Variants in CHD6 observed in about 807,000 individuals in gnomAD.
CHD6 encodes the protein chromodomain helicase DNA binding protein 6, also known as ATP-dependent chromatin remodeler CHD6.
Under a neutral mutation model 276.9 loss-of-function variants are expected in CHD6, and 50 were observed. The observed-to-expected ratio is 0.18, with a 90% CI of 0.14 to 0.23. CHD6 has a LOEUF of 0.23. CHD6 is among the 10% of genes least tolerant of loss of function. CHD6 has a pLI of 1.00. For synonymous variants in CHD6, 1,173 were observed against 1,229.3 expected (o/e 0.95, Z 0.96); for missense variants, 2,564 against 3,365.8 (o/e 0.76, Z 5.89).
chr20:41,510,325 T>G (rs1201867447), intron 5 of CHD6, among the ~76,000 whole-genome samples: 1 of 152,186 alleles, frequency 6.6e-6, no homozygotes, highest in Non-Finnish European at 1.5e-5. Flanking sequence ...TGGAGCTGTT[T>G]TGGTTCTGCA....
At chr20:41,420,394 G>T in intron 31 of CHD6, 114 bp downstream of exon 31, 1 of 1,146,502 alleles carries the variant, frequency 8.7e-7, no homozygotes, top group Non-Finnish European at 1.2e-6. Context: ...GTGAGGGTAG[G>T]CAGGTCTGTT....
chr20:41,493,325 T>C (rs754249063), intron 10 of CHD6, among the ~76,000 whole-genome samples: 2 of 152,072 alleles, frequency 1.3e-5, no homozygotes, highest in Non-Finnish European at 2.9e-5. Flanking sequence ...AAATGTCACA[T>C]ACATCAAAAT....
intron 2 of CHD6, among the ~76,000 whole-genome samples, chr20:41,539,878 C>T (rs538546077): frequency 6.6e-6 from 1 of 152,084 alleles, no homozygotes; most frequent in Admixed American, 6.5e-5. Context: ...CATTATTATA[C>T]GGAGGTTTAA....
chr20:41,488,305 A>G, intron 13 of CHD6, 123 bp downstream of exon 13: 1 of 971,198 alleles, frequency 1.0e-6, no homozygotes. Context: ...ATAGAGACCA[A>G]AAAAGAAAAT....
chr20:41,617,072 G>A (rs2045940372), intron 1 of CHD6, among the ~76,000 whole-genome samples: 1 of 152,076 alleles, frequency 6.6e-6, no homozygotes, highest in Non-Finnish European at 1.5e-5. Context: ...CAAATTTCAG[G>A]CAATATTTCA....
At chr20:41,530,823 C>T (rs537419110) in intron 3 of CHD6, among the ~76,000 whole-genome samples, 1 of 152,322 alleles carries the variant, frequency 6.6e-6, no homozygotes, top group African/African-American at 2.4e-5. Context: ...ATGATCACTT[C>T]TGTCAGCCTC....
At chr20:41,611,030 C>A (rs1351769876) in intron 1 of CHD6, among the ~76,000 whole-genome samples, 1 of 152,188 alleles carries the variant, frequency 6.6e-6, no homozygotes, top group Non-Finnish European at 1.5e-5. Context: ...TAAGTCCCCG[C>A]TGGAACAGCT....
intron 1 of CHD6, among the ~76,000 whole-genome samples, chr20:41,556,326 C>CTT (rs537227082): frequency 0.063 from 6,426 of 102,188 alleles, 1,235 homozygotes; most frequent in African/African-American, 0.16. Flanking sequence ...GAGAGGGCAC[C>CTT]TTTTTTTTTT....
chr20:41,579,255 G>A lies in CHD6; in HGVS notation c.-23-27895C>T, dbSNP rs1401053063. Among the ~76,000 whole-genome samples the A allele has an allele frequency of 2.0e-5, 3 of 147,862 alleles. No homozygotes were observed. The East Asian group carries it at 6.0e-4, about 30-fold the overall frequency. The stretch of plus-strand genomic sequence containing the variant: ...TTCGAGACCAGCCCGACCAACAGTG[G>A]CGGGAAACCCCATCTCTACTAAAAA... On this transcript the variant is annotated intron_variant, in intron 1 of 36. Coordinates refer to ENST00000373233, the MANE Select transcript of CHD6 (RefSeq NM_032221.5).
At chr20:41,582,658 A>G (rs2045553158) in intron 1 of CHD6, among the ~76,000 whole-genome samples, 1 of 152,250 alleles carries the variant, frequency 6.6e-6, no homozygotes, top group South Asian at 2.1e-4. Context: ...CAAGAGAGCC[A>G]AACTAAGAAA....
chr20:41,417,306 T>C lies in CHD6; in HGVS notation c.6171A>G (p.Thr2057=), dbSNP rs780753292. 7.4e-6 allele frequency: 12 copies of C among 1,614,074 alleles called. No homozygotes were observed. Among genetic ancestry groups the C allele is most frequent in the African/African-American group, 1.3e-5 (1 of 74,932 alleles). The change falls in exon 32 of 37, where the codon ACA becomes ACG. Residue 2057 remains threonine (T), a synonymous_variant. Coordinates refer to ENST00000373233, the MANE Select transcript of CHD6 (RefSeq NM_032221.5). ...KYSEEESKSS[T]SGITGDIGDE... The stretch of plus-strand genomic sequence containing the variant: ...CCCCAATGTCTCCTGTGATGCCCGA[T>C]GTTGAGCTCTTGCTCTCCTCTTCAG...
chr20:41,443,785 G>T (rs527329848), intron 25 of CHD6, among the ~76,000 whole-genome samples: 1 of 152,210 alleles, frequency 6.6e-6, no homozygotes, highest in Non-Finnish European at 1.5e-5. Context: ...ATTTCTGTGG[G>T]TATTAAAAAC....
chr20:41,570,970 C>G (rs551168259), intron 1 of CHD6, among the ~76,000 whole-genome samples: 6 of 152,204 alleles, frequency 3.9e-5, no homozygotes, highest in African/African-American at 1.4e-4. Flanking sequence ...TACTCCTGAA[C>G]AAATAACAGT....
intron 1 of CHD6, among the ~76,000 whole-genome samples, chr20:41,580,043 A>T (rs1234992790): frequency 6.6e-6 from 1 of 152,204 alleles, no homozygotes; most frequent in Admixed American, 6.5e-5. Context: ...TTAAAACATT[A>T]ACTGACTATA....
chr20:41,555,009 G>A (rs1258926068), intron 1 of CHD6, among the ~76,000 whole-genome samples: 2 of 150,510 alleles, frequency 1.3e-5, no homozygotes, highest in African/African-American at 4.9e-5. Context: ...CGGGCGGGGG[G>A]CTGACCCCCC....
At position 41,568,318 on chromosome 20, in the gene CHD6, A is replaced by G. The variant is rs994742500; in HGVS notation, c.-23-16958T>C. 2.6e-5 allele frequency among the ~76,000 whole-genome samples: 4 copies of G among 152,254 alleles called. No individual in the cohort carries two copies. In the East Asian group the frequency reaches 7.7e-4, roughly 29 times the overall value. On this transcript the variant is annotated intron_variant, in intron 1 of 36. Transcript: ENST00000373233. The stretch of plus-strand genomic sequence containing the variant: ...CCCTCCATTTGAATTCTGAATTGTT[A>G]AACAAAATTGTTTTGGATCAATTTA...
chr20:41,607,986 T>G (rs528225830), intron 1 of CHD6, among the ~76,000 whole-genome samples: 1 of 152,280 alleles, frequency 6.6e-6, no homozygotes, highest in South Asian at 2.1e-4. Context: ...CTATGTGTCC[T>G]TAAGGAAGAG....
chr20:41,426,640 T>C (rs926771990), intron 27 of CHD6, among the ~76,000 whole-genome samples: 36 of 152,312 alleles, frequency 2.4e-4, no homozygotes, highest in African/African-American at 8.2e-4. Context: ...CATAAAACAC[T>C]ACTGCTCCAG....
At chr20:41,604,954 C>G (rs1411068724) in intron 1 of CHD6, among the ~76,000 whole-genome samples, 1 of 152,100 alleles carries the variant, frequency 6.6e-6, no homozygotes, top group Admixed American at 6.6e-5. Flanking sequence ...CTACAAATAA[C>G]ATTTTCATGG....
Sources: gnomAD v4.1 joint callset for allele counts (sites outside exome capture counted in the v4.1 genomes callset) on GRCh38, gnomAD v4.1.1 for gene constraint, MANE v1.5 for transcripts, NCBI Gene and HGNC (gene_info 2026-07-23, HGNC 2026-07-21) for gene names.